The following LRRC4C variants were observed in gnomAD, a reference collection of about 807,000 sequenced individuals.
The protein encoded by LRRC4C is leucine rich repeat containing 4C.
Under a neutral mutation model 33.6 loss-of-function variants are expected in LRRC4C, and 5 were observed. The observed-to-expected ratio is 0.15, with a 90% CI of 0.08 to 0.31. The LOEUF is 0.31. Ranked by LOEUF, LRRC4C falls within the 10% of genes least tolerant of loss-of-function variation. LRRC4C has a pLI of 1.00. For missense variants in LRRC4C, 560 were observed against 796.7 expected (o/e 0.70, Z 3.58); for synonymous variants, 329 against 302.0 (o/e 1.09, Z -0.93).
At chr11:40,360,381 T>G (rs1947891914) in intron 3 of LRRC4C, among the ~76,000 whole-genome samples, 1 of 152,140 alleles carries the variant, frequency 6.6e-6, no homozygotes, top group Non-Finnish European at 1.5e-5. Flanking sequence ...GAGTACTGAT[T>G]ACACAAGAGG....
At chr11:40,158,608 T>C (rs1041028716) in intron 5 of LRRC4C, among the ~76,000 whole-genome samples, 3 of 150,270 alleles carry the variant, frequency 2.0e-5, no homozygotes, top group Non-Finnish European at 3.0e-5. Context: ...TTCCCTGGCA[T>C]GTGAAATTTG....
In LRRC4C at chr11:41,097,595, A is replaced by G. The variant is rs76193542; in HGVS notation, c.-495-163872T>C. ...AGAACCTGAAATAACACCTAATGAA[A>G]TATTTGAAATGAATTTATCAGAATT... On this transcript the variant is annotated intron_variant, in intron 1 of 6. Coordinates refer to ENST00000528697, the MANE Select transcript of LRRC4C (RefSeq NM_001258419.2). Among the ~76,000 whole-genome samples the G allele has an allele frequency of 8.0e-3, 1,222 of 152,278 alleles. 20 individuals are homozygous for G. The highest frequency in any genetic ancestry group is 0.028 in the African/African-American group (1,176 of 41,536).
intron 3 of LRRC4C, among the ~76,000 whole-genome samples, chr11:40,533,303 C>T (rs1258104414): frequency 1.3e-4 from 19 of 151,934 alleles, no homozygotes; most frequent in Non-Finnish European, 1.2e-4. Context: ...GCTTACATAC[C>T]CAGTAGGGAT....
At chr11:40,182,243 A>T (rs2135529132) in intron 5 of LRRC4C, among the ~76,000 whole-genome samples, 1 of 152,278 alleles carries the variant, frequency 6.6e-6, no homozygotes, top group Non-Finnish European at 1.5e-5. Context: ...CTATTATGAG[A>T]TGTGTATTAC....
intron 2 of LRRC4C, among the ~76,000 whole-genome samples, chr11:40,709,539 C>G (rs1028704194): frequency 1.3e-5 from 2 of 152,138 alleles, no homozygotes; most frequent in African/African-American, 2.4e-5. Flanking sequence ...GACCCCTACT[C>G]TCTTCTGGCT....
chr11:41,454,433 C>T (rs868223232), intron 1 of LRRC4C, among the ~76,000 whole-genome samples: 8 of 152,094 alleles, frequency 5.3e-5, no homozygotes, highest in South Asian at 4.1e-4. Flanking sequence ...GCAGAGAATC[C>T]TTCTAATACT....
At chr11:40,987,074 G>A (rs901329280) in intron 1 of LRRC4C, among the ~76,000 whole-genome samples, 1 of 152,110 alleles carries the variant, frequency 6.6e-6, no homozygotes, top group African/African-American at 2.4e-5. Flanking sequence ...CTCTGACATA[G>A]GGTACATTAT....
At chr11:41,108,213 TTA>T (rs1217912587) in intron 1 of LRRC4C, among the ~76,000 whole-genome samples, 25 of 152,096 alleles carry the variant, frequency 1.6e-4, no homozygotes, top group Non-Finnish European at 4.4e-5. Context: ...CCCTTAGCCT[TTA>T]AGCTATGTAA....
intron 2 of LRRC4C, among the ~76,000 whole-genome samples, chr11:40,692,626 C>T (rs1268464858): frequency 6.6e-6 from 1 of 151,948 alleles, no homozygotes; most frequent in East Asian, 1.9e-4. Context: ...GAAAAGTTAT[C>T]CTTGTTCATG....
At chr11:40,620,058 G>GAAAA in intron 3 of LRRC4C, among the ~76,000 whole-genome samples, 1 of 133,670 alleles carries the variant, frequency 7.5e-6, no homozygotes, top group Non-Finnish European at 1.6e-5. Context: ...AAAAATACCT[G>GAAAA]AAAAAAAAAA....
chr11:41,202,994 C>A (rs1185307635), intron 1 of LRRC4C, among the ~76,000 whole-genome samples: 2 of 152,148 alleles, frequency 1.3e-5, no homozygotes, highest in Non-Finnish European at 2.9e-5. Flanking sequence ...CCATGTTGGT[C>A]AGGCTGGTCT....
chr11:40,483,508 T>A (rs1413735829), intron 3 of LRRC4C, among the ~76,000 whole-genome samples: 2 of 151,804 alleles, frequency 1.3e-5, no homozygotes, highest in African/African-American at 4.8e-5. Context: ...CAATTACACA[T>A]GTGAAAAAGA....
At position 40,315,743 on chromosome 11, in the gene LRRC4C, G is replaced by A. The variant is rs551943829; in HGVS notation, c.-176+3885C>T. ...ATTTGCAATCTTAGAAAAGGAAGTG[G>A]CACATTTTAAAGACATTTGAATCAC... On this transcript the variant is annotated intron_variant, in intron 4 of 6. Coordinates refer to ENST00000528697, the MANE Select transcript of LRRC4C (RefSeq NM_001258419.2). Among the ~76,000 whole-genome samples, 7 of 152,066 alleles carry A rather than the reference G, an allele frequency of 4.6e-5. No individual in the cohort carries two copies. The South Asian group carries it at 1.4e-3, about 31-fold the overall frequency.
At chr11:40,241,927 TC>T (rs1215661283) in intron 4 of LRRC4C, 1 of 152,038 alleles carries the variant, frequency 6.6e-6, no homozygotes, top group Non-Finnish European at 1.5e-5. Flanking sequence ...AATCATCTCC[TC>T]CCCCTTCTGA....
intron 1 of LRRC4C, among the ~76,000 whole-genome samples, chr11:40,957,042 C>T (rs1718902542): frequency 6.6e-6 from 1 of 151,546 alleles, no homozygotes; most frequent in South Asian, 2.1e-4. Flanking sequence ...TGACTTTGTC[C>T]CAGGAGAGAA....
chr11:41,131,917 A>G (rs1322810764), intron 1 of LRRC4C, among the ~76,000 whole-genome samples: 1 of 152,144 alleles, frequency 6.6e-6, no homozygotes, highest in Non-Finnish European at 1.5e-5. Context: ...TAAAAAGGGG[A>G]AGAACTCTCA....
intron 1 of LRRC4C, among the ~76,000 whole-genome samples, chr11:41,266,926 AG>A: frequency 6.6e-6 from 1 of 152,282 alleles, no homozygotes; most frequent in African/African-American, 2.4e-5. Flanking sequence ...CTCTTGGGAA[AG>A]GAAGTGAATT....
rs113329082 is a variant in LRRC4C at position 40,765,786 on chromosome 11, GAAA to G, written c.-406-117511_-406-117509del. On this transcript the variant is annotated intron_variant, in intron 2 of 6. Transcript: ENST00000528697. ...CACTTGAAAATATGCAGTCAGAGAA[GAAA>G]AAAAAAATTAAATAAAAAGGAATGA... 2.1e-5 allele frequency among the ~76,000 whole-genome samples: 3 copies of G among 146,164 alleles called. No individual in the cohort carries two copies. The South Asian group carries it at 6.5e-4, about 31-fold the overall frequency.
intron 4 of LRRC4C, among the ~76,000 whole-genome samples, chr11:40,273,321 C>T (rs181229913): frequency 6.6e-6 from 1 of 152,122 alleles, no homozygotes; most frequent in African/African-American, 2.4e-5. Flanking sequence ...ATGACAAAGG[C>T]AACTAGTAAT....
Sources: allele counts gnomAD v4.1 joint callset (sites outside exome capture counted in the v4.1 genomes callset), GRCh38; gene constraint gnomAD v4.1.1; transcripts MANE v1.5; gene names NCBI Gene and HGNC (gene_info 2026-07-23, HGNC 2026-07-21).